The following LRRTM1 variants were observed in gnomAD, a reference collection of about 807,000 sequenced individuals.
The protein encoded by LRRTM1 is leucine-rich repeat transmembrane neuronal protein 1.
Under a neutral mutation model 37.3 loss-of-function variants are expected in LRRTM1, and 8 were observed. That is an observed-to-expected ratio of 0.21 (90% CI 0.13 to 0.39). The LOEUF (loss-of-function observed/expected upper bound fraction) is 0.39, where lower values mean the gene tolerates loss of function less well. Ranked by LOEUF, LRRTM1 falls within the 10% of genes least tolerant of loss-of-function variation. LRRTM1 has a pLI of 1.00. For synonymous variants in LRRTM1, 326 were observed against 316.8 expected (o/e 1.03, Z -0.31); for missense variants, 557 against 691.0 (o/e 0.81, Z 2.17).
At chr2:80,291,018 C>T (rs1675190236) in intron 2 of LRRTM1, among the ~76,000 whole-genome samples, 1 of 152,200 alleles carries the variant, frequency 6.6e-6, no homozygotes, top group African/African-American at 2.4e-5. Context: ...CTGTCCAAAG[C>T]TGGGACAGAG....
downstream of LRRTM1, among the ~76,000 whole-genome samples, chr2:80,297,334 C>T (rs1187470218): frequency 6.6e-6 from 1 of 152,176 alleles, no homozygotes; most frequent in Non-Finnish European, 1.5e-5. Context: ...CAATCACTAG[C>T]TGGGTGACTT....
At chr2:80,292,377 T>C (rs1675336245) in intron 2 of LRRTM1, among the ~76,000 whole-genome samples, 1 of 152,112 alleles carries the variant, frequency 6.6e-6, no homozygotes. Flanking sequence ...GTGTCTCCCT[T>C]GACACATCCT....
chr2:80,301,289 G>A (rs192221381), downstream of LRRTM1, among the ~76,000 whole-genome samples: 1 of 152,308 alleles, frequency 6.6e-6, no homozygotes, highest in East Asian at 1.9e-4. Flanking sequence ...TAAACATCGG[G>A]ATTCTGCCTC....
chr2:80,299,950 A>C (rs114639689), downstream of LRRTM1, among the ~76,000 whole-genome samples: 482 of 152,270 alleles, frequency 3.2e-3, 1 homozygote, highest in Admixed American at 4.2e-3. Context: ...GCCCTCCTTC[A>C]GTTGCTACAT....
intron 2 of LRRTM1, among the ~76,000 whole-genome samples, chr2:80,289,599 T>G (rs753636755): frequency 3.9e-5 from 6 of 152,166 alleles, no homozygotes. Flanking sequence ...CTAATGCTGA[T>G]TGAGAATCTA....
chr2:80,290,945 A>G (rs1364068405), intron 2 of LRRTM1, among the ~76,000 whole-genome samples: 1 of 152,238 alleles, frequency 6.6e-6, no homozygotes, highest in Admixed American at 6.5e-5. Flanking sequence ...CAGCTCTAGC[A>G]TTCCCTGCTA....
intron 2 of LRRTM1, among the ~76,000 whole-genome samples, chr2:80,292,309 A>T (rs1192605904): frequency 6.6e-6 from 1 of 152,142 alleles, no homozygotes; most frequent in Non-Finnish European, 1.5e-5. Context: ...GGAACTGAGG[A>T]TCAGAAAGGT....
chr2:80,302,444 T>C lies in LRRTM1; in HGVS notation c.1376A>G (p.Gln459Arg), dbSNP rs754580143. The change falls in exon 2 of 2, where the codon CAG becomes CGG. Residue 459 changes from glutamine to arginine, a missense_variant. By Grantham distance (43) the Gln-to-Arg change is conservative. Coordinates refer to ENST00000295057, the MANE Select transcript of LRRTM1 (RefSeq NM_178839.5). The surrounding 1 kb of genome is among the most constrained non-coding windows in gnomAD (Gnocchi z 6.4). Reference sequence around the variant, plus strand: ...CTGCGTGACAAAGCACTGTCTGAGCTGCCTGAGGCTGGCTGGGAAACACTT... The same window carrying C: ...CTGCGTGACAAAGCACTGTCTGAGCCGCCTGAGGCTGGCTGGGAAACACTT... ...SWKCFPASLR[Q>R]LRQCFVTQRR... is the part of the protein sequence containing the mutation. 12 of 1,614,228 alleles carry C rather than the reference T, an allele frequency of 7.4e-6. No individual in the cohort carries two copies. The highest frequency in any genetic ancestry group is 3.3e-5 in the South Asian group (3 of 91,088).
At chr2:80,297,956 C>G (rs1675896241), downstream of LRRTM1, among the ~76,000 whole-genome samples, 1 of 151,724 alleles carries the variant, frequency 6.6e-6, no homozygotes, top group Non-Finnish European at 1.5e-5. Flanking sequence ...ATAATGGTCA[C>G]CTGCCTGCGC....
chr2:80,300,259 G>A (rs1412975262), downstream of LRRTM1, among the ~76,000 whole-genome samples: 1 of 148,892 alleles, frequency 6.7e-6, no homozygotes, highest in African/African-American at 2.5e-5. Flanking sequence ...TCCTGGCCAG[G>A]AAAAATGAGC....
intron 2 of LRRTM1, among the ~76,000 whole-genome samples, chr2:80,296,542 T>A (rs1675758389): frequency 1.3e-5 from 2 of 152,230 alleles, no homozygotes; most frequent in African/African-American, 4.8e-5. Context: ...CTAAGGGCTT[T>A]TAATTTAGAT....
At position 80,302,154 on chromosome 2, in the gene LRRTM1, A is replaced by T; in HGVS notation, c.*97T>A. The T allele has an allele frequency of 6.9e-7, 1 of 1,456,576 alleles. No individual in the cohort carries two copies. Among genetic ancestry groups the T allele is most frequent in the Non-Finnish European group, 9.2e-7 (1 of 1,085,460 alleles). 90.2% of individuals were successfully genotyped at this position (1,456,576 alleles called of 1,614,324 possible). A position where few individuals can be genotyped will look rare whatever the true frequency, so the allele number is the denominator to read the frequency against. The stretch of plus-strand genomic sequence containing the variant: ...TAAAGTTTCAGTCAAGGAGCATATC[A>T]GAGCACAGACAAGGAGACCCCAGCC... On this transcript the variant is annotated 3_prime_UTR_variant, in exon 2 of 2. Coordinates refer to ENST00000295057, the MANE Select transcript of LRRTM1 (RefSeq NM_178839.5). This position sits in a 1 kb window ranked among gnomAD's most constrained non-coding sequence, Gnocchi z 6.4.
At position 80,301,916 on chromosome 2, in the gene LRRTM1, C is replaced by CAAA. The variant is rs528489978; in HGVS notation, c.*332_*334dup. On this transcript the variant is annotated 3_prime_UTR_variant, in exon 2 of 2. Transcript: ENST00000295057. Reference sequence around the variant, plus strand: ...ATTTTATTTTAAACATTTTAGTTTACAAAAAAAAAAAAAATCAATGATTGG... The same window carrying CAAA: ...ATTTTATTTTAAACATTTTAGTTTACAAAAAAAAAAAAAAAAATCAATGATTGG... 4 of 141,206 alleles carry CAAA rather than the reference C, an allele frequency of 2.8e-5. No homozygotes were observed. The highest frequency in any genetic ancestry group is 8.3e-5 in the Admixed American group (1 of 12,008). The allele number at this position is 141,206 out of a possible 1,614,324, so 8.7% of individuals were successfully genotyped here. A position where few individuals can be genotyped will look rare whatever the true frequency, so the allele number is the denominator to read the frequency against.
Position 80,293,713 on chromosome 2 carries a change from C to T in LRRTM1, c.*307-4518G>A, listed in dbSNP as rs143826005. Among the ~76,000 whole-genome samples, 38 of 152,250 alleles carry T rather than the reference C, an allele frequency of 2.5e-4. No homozygotes were observed. The East Asian group carries it at 6.4e-3, about 26-fold the overall frequency. ...CGGAGTAGAATTATCACCACTCCAC[C>T]GATCAGTGTCCTACTAGGATTTATG... is the stretch of plus-strand genomic sequence containing the variant. On this transcript the variant is annotated intron_variant and NMD_transcript_variant, in intron 2 of 2. Transcript: ENST00000417012.
chr2:80,292,526 G>T (rs944250893), intron 2 of LRRTM1, among the ~76,000 whole-genome samples: 1 of 152,134 alleles, frequency 6.6e-6, no homozygotes, highest in East Asian at 1.9e-4. Flanking sequence ...AAATCTTAAG[G>T]ATTTTGCAGG....
intron 2 of LRRTM1, among the ~76,000 whole-genome samples, chr2:80,294,983 C>T (rs1431078723): frequency 6.6e-6 from 1 of 152,142 alleles, no homozygotes; most frequent in Non-Finnish European, 1.5e-5. Context: ...ACTTGAGTAG[C>T]ATAAAACACA....
At position 80,304,143 on chromosome 2, in the gene LRRTM1, C is replaced by G. The variant is rs1463482144; in HGVS notation, c.-60+9G>C. On this transcript the variant is annotated intron_variant, in intron 1 of 1. Coordinates refer to ENST00000295057, the MANE Select transcript of LRRTM1 (RefSeq NM_178839.5). ...GGGAAAGAATTTAATTAAAAAGTGT[C>G]TTACCCACCCTTTTCCAGAGAGTGA... 4.0e-6 allele frequency: 1 copy of G among 250,172 alleles called. No homozygotes were observed. The highest frequency in any genetic ancestry group is 7.5e-6 in the Non-Finnish European group (1 of 132,656). The allele number at this position is 250,172 out of a possible 1,614,324, so 15.5% of individuals were successfully genotyped here. A position where few individuals can be genotyped will look rare whatever the true frequency, so the allele number is the denominator to read the frequency against.
In LRRTM1 at chr2:80,294,641, A is replaced by AAAT. The variant is rs553948234; in HGVS notation, c.*307-5449_*307-5447dup. On this transcript the variant is annotated intron_variant and NMD_transcript_variant, in intron 2 of 2. Coordinates refer to the LRRTM1 transcript ENST00000417012. Reference sequence around the variant, plus strand: ...TGGAATCACCTGGGAAGCTTAAAAAAAATAATAATAATAATAAAAATAATT... The same window carrying AAAT: ...TGGAATCACCTGGGAAGCTTAAAAAAAATAATAATAATAATAATAAAAATAATT... 2.2e-3 allele frequency among the ~76,000 whole-genome samples: 331 copies of AAAT among 152,122 alleles called. 1 individual carries two copies. Among genetic ancestry groups the AAAT allele is most frequent in the African/African-American group, 7.3e-3 (303 of 41,508 alleles).
At chr2:80,288,436 A>G (rs1674963214) in exon 3 of LRRTM1, 1 of 152,232 alleles carries the variant, frequency 6.6e-6, no homozygotes, top group African/African-American at 2.4e-5. Context: ...ATTGAACTAC[A>G]GAGAAGATTC....
Sources: gnomAD v4.1 joint callset for allele counts (sites outside exome capture counted in the v4.1 genomes callset) on GRCh38, gnomAD v4.1.1 for gene constraint, Gnocchi (gnomAD v3.1) non-coding constraint, MANE v1.5 for transcripts, NCBI Gene and HGNC (gene_info 2026-07-23, HGNC 2026-07-21) for gene names.